The following NKAIN2 variants were observed in gnomAD, a reference collection of about 807,000 sequenced individuals.
NKAIN2 encodes the protein sodium/potassium-transporting ATPase subunit beta-1-interacting protein 2.
Under a neutral mutation model 32.6 loss-of-function variants are expected in NKAIN2, and 14 were observed. The ratio of observed to expected loss-of-function variants is 0.43; its 90% CI spans 0.28 to 0.67. The LOEUF (loss-of-function observed/expected upper bound fraction) is 0.67, where lower values mean the gene tolerates loss of function less well. Among genes scored for constraint, NKAIN2 ranks in the 30% least tolerant of loss-of-function variants. The pLI, the probability that NKAIN2 is intolerant of heterozygous loss-of-function variation, is 0.17. For missense variants in NKAIN2, 198 were observed against 258.3 expected, an observed-to-expected ratio of 0.77 and a Z score of 1.60; for synonymous variants, 80 against 87.2, an observed-to-expected ratio of 0.92 and a Z score of 0.46.
intron 1 of NKAIN2, among the ~76,000 whole-genome samples, chr6:124,057,628 T>C (rs986127475): frequency 6.6e-6 from 1 of 151,542 alleles, no homozygotes; most frequent in African/African-American, 2.4e-5. Flanking sequence ...TGGAGTTAAA[T>C]GCCCTCCTCT....
chr6:124,383,450 G>T lies in NKAIN2; in HGVS notation c.273+28103G>T, dbSNP rs185726473. On this transcript the variant is annotated intron_variant, in intron 3 of 6. Coordinates refer to ENST00000368417, the MANE Select transcript of NKAIN2 (RefSeq NM_001040214.3). ...TCAAACATCTAGCTTGGTATATAAG[G>T]CCTGGCACAATTGACCTCTGCCTAA... 1.7e-3 allele frequency among the ~76,000 whole-genome samples: 265 copies of T among 152,172 alleles called. 1 individual carries two copies. The highest frequency in any genetic ancestry group is 2.5e-3 in the Non-Finnish European group (168 of 68,004).
chr6:124,217,465 G>T (rs912263076), intron 1 of NKAIN2, among the ~76,000 whole-genome samples: 1 of 151,944 alleles, frequency 6.6e-6, no homozygotes, highest in African/African-American at 2.4e-5. Context: ...GGGTGTTTTG[G>T]TGAGATTTGG....
intron 3 of NKAIN2, among the ~76,000 whole-genome samples, chr6:124,364,351 A>C (rs978939410): frequency 6.6e-6 from 1 of 152,038 alleles, no homozygotes; most frequent in Non-Finnish European, 1.5e-5. Context: ...TAGAAGCAAT[A>C]TCTGAAGTGA....
chr6:124,431,888 A>G (rs968285935), intron 3 of NKAIN2, among the ~76,000 whole-genome samples: 10 of 152,176 alleles, frequency 6.6e-5, no homozygotes, highest in Admixed American at 6.5e-4. Context: ...ACAACAAAAA[A>G]CAAAGAGGAA....
chr6:123,878,451 A>G (rs945709220), intron 1 of NKAIN2, among the ~76,000 whole-genome samples: 12 of 151,812 alleles, frequency 7.9e-5, no homozygotes, highest in Non-Finnish European at 1.2e-4. Flanking sequence ...TCAACCTTTT[A>G]ATTTTGTCCG....
intron 1 of NKAIN2, among the ~76,000 whole-genome samples, chr6:123,852,468 T>C (rs901614238): frequency 6.6e-6 from 1 of 152,128 alleles, no homozygotes; most frequent in Non-Finnish European, 1.5e-5. Context: ...ACTGTTTTAC[T>C]CTCTAACTAC....
intron 3 of NKAIN2, among the ~76,000 whole-genome samples, chr6:124,553,857 A>G (rs900630925): frequency 1.3e-5 from 2 of 152,214 alleles, no homozygotes; most frequent in East Asian, 3.8e-4. Context: ...ATATCTTGAC[A>G]GGTGCTTTCT....
intron 4 of NKAIN2, among the ~76,000 whole-genome samples, chr6:124,661,960 T>G (rs1435222680): frequency 6.6e-6 from 1 of 152,210 alleles, no homozygotes; most frequent in African/African-American, 2.4e-5. Flanking sequence ...ATCTTTTGAT[T>G]GTGTAACAGT....
intron 4 of NKAIN2, among the ~76,000 whole-genome samples, chr6:124,738,314 G>C (rs1410385615): frequency 6.6e-6 from 1 of 151,616 alleles, no homozygotes; most frequent in Non-Finnish European, 1.5e-5. Flanking sequence ...CTATTCCTTA[G>C]ATAATAAAAT....
At chr6:124,238,359 A>G (rs576165124) in intron 1 of NKAIN2, among the ~76,000 whole-genome samples, 1 of 152,272 alleles carries the variant, frequency 6.6e-6, no homozygotes, top group African/African-American at 2.4e-5. Context: ...TTAATAAAGT[A>G]GGAAAAAGAG....
chr6:124,463,907 G>A (rs73772127), intron 3 of NKAIN2, among the ~76,000 whole-genome samples: 2,212 of 152,096 alleles, frequency 0.015, 46 homozygotes, highest in African/African-American at 0.051. Context: ...TGTCTAAAAC[G>A]TCTATTTAGC....
chr6:124,717,763 C>G (rs543524244), intron 4 of NKAIN2, among the ~76,000 whole-genome samples: 2 of 152,264 alleles, frequency 1.3e-5, no homozygotes, highest in African/African-American at 4.8e-5. Context: ...TAAAGGCCTA[C>G]TTTAATGAGT....
At chr6:124,479,682 A>G (rs903878011) in intron 3 of NKAIN2, among the ~76,000 whole-genome samples, 17 of 152,212 alleles carry the variant, frequency 1.1e-4, no homozygotes, top group African/African-American at 3.9e-4. Flanking sequence ...ATTTTCTTAA[A>G]TGATTATTTT....
intron 6 of NKAIN2, among the ~76,000 whole-genome samples, chr6:124,820,311 G>A (rs189994666): frequency 4.1e-4 from 63 of 152,224 alleles, no homozygotes; most frequent in Admixed American, 9.8e-4. Context: ...AATTCCCTCC[G>A]ACCGTGGGCA....
chr6:124,634,815 AG>A (rs1256843396), intron 3 of NKAIN2, among the ~76,000 whole-genome samples: 1 of 152,022 alleles, frequency 6.6e-6, no homozygotes, highest in Non-Finnish European at 1.5e-5. Context: ...AGCCAAAGAG[AG>A]AATTCTAAAA....
At chr6:124,272,424 T>G (rs1200182326) in intron 1 of NKAIN2, among the ~76,000 whole-genome samples, 1 of 152,188 alleles carries the variant, frequency 6.6e-6, no homozygotes, top group Non-Finnish European at 1.5e-5. Flanking sequence ...GGCTTCCACA[T>G]GGTGTTGAGC....
At chr6:124,487,231 A>T (rs1283474123) in intron 3 of NKAIN2, among the ~76,000 whole-genome samples, 2 of 152,142 alleles carry the variant, frequency 1.3e-5, no homozygotes, top group Non-Finnish European at 2.9e-5. Flanking sequence ...TCTCTACTCA[A>T]AGAGCTGATA....
chr6:124,353,077 C>T (rs554502917), intron 2 of NKAIN2, among the ~76,000 whole-genome samples: 30 of 152,214 alleles, frequency 2.0e-4, no homozygotes, highest in African/African-American at 7.0e-4. Context: ...TGATAAAAAC[C>T]GGGTCTGAGA....
chr6:124,214,826 C>G (rs570533371), intron 1 of NKAIN2, among the ~76,000 whole-genome samples: 7 of 152,244 alleles, frequency 4.6e-5, no homozygotes, highest in African/African-American at 1.2e-4. Flanking sequence ...TATCTTTTCC[C>G]CATCTGAGCA....
Sources: allele counts gnomAD v4.1 joint callset (sites outside exome capture counted in the v4.1 genomes callset), GRCh38; gene constraint gnomAD v4.1.1; transcripts MANE v1.5; gene names NCBI Gene and HGNC (gene_info 2026-07-23, HGNC 2026-07-21).